The following ADCY10 variants were observed in gnomAD, a reference collection of about 807,000 sequenced individuals.
ADCY10 encodes the protein adenylate cyclase 10.
Under a neutral mutation model 183.3 loss-of-function variants are expected in ADCY10, and 156 were observed. The ratio of observed to expected loss-of-function variants is 0.85; its 90% CI spans 0.75 to 0.97. The LOEUF (loss-of-function observed/expected upper bound fraction) is 0.97, where lower values mean the gene tolerates loss of function less well. Ranked by LOEUF, ADCY10 falls within the 50% of genes least tolerant of loss-of-function variation. ADCY10 has a pLI of 0.00. For synonymous variants in ADCY10, 645 were observed against 670.0 expected, an observed-to-expected ratio of 0.96 and a Z score of 0.58; for missense variants, 1,745 against 1,934.3, an observed-to-expected ratio of 0.90 and a Z score of 1.84.
Position 167,844,823 on chromosome 1 carries a change from C to T in ADCY10, c.3007+740G>A, listed in dbSNP as rs546162781. Among the ~76,000 whole-genome samples the T allele has an allele frequency of 4.6e-5, 7 of 152,196 alleles. No homozygotes were observed. In the South Asian group the frequency reaches 1.5e-3, roughly 32 times the overall value. ...CCTCTACTTGTAGCCTCTGATTTCC[C>T]AACCAGATTTAGCCATAATCACCAA... On this transcript the variant is annotated intron_variant, in intron 21 of 32. Transcript: ENST00000367851.
intron 19 of ADCY10, 51 bp downstream of exon 19, chr1:167,848,310 A>C (rs1482414387): frequency 6.6e-7 from 1 of 1,526,218 alleles, no homozygotes; most frequent in Non-Finnish European, 9.0e-7. Context: ...CGGCCTCCCA[A>C]AGTGCTGGGA....
chr1:167,824,419 A>C (rs937691269), intron 28 of ADCY10, 57 bp downstream of exon 28: 1 of 1,441,170 alleles, frequency 6.9e-7, no homozygotes, highest in Non-Finnish European at 9.8e-7. Context: ...TGAACCCAGA[A>C]TACTCAATAA....
chr1:167,846,355 C>G lies in ADCY10; in HGVS notation c.2438-92G>C, dbSNP rs1665029250. Reference sequence around the variant, plus strand: ...ATAGAGCAGGTGGACAACCATCCTGCTCTACAGTTCTTGTTGCAAGAAACT... The same window carrying G: ...ATAGAGCAGGTGGACAACCATCCTGGTCTACAGTTCTTGTTGCAAGAAACT... On this transcript the variant is annotated intron_variant, in intron 19 of 32. Coordinates refer to ENST00000367851, the MANE Select transcript of ADCY10 (RefSeq NM_018417.6). The G allele has an allele frequency of 3.4e-6, 5 of 1,485,738 alleles. No individual in the cohort carries two copies. In the Admixed American group the frequency reaches 8.5e-5, roughly 25 times the overall value. 92.0% of individuals were successfully genotyped at this position (1,485,738 alleles called of 1,614,324 possible). A position where few individuals can be genotyped will look rare whatever the true frequency, so the allele number is the denominator to read the frequency against.
chr1:167,869,633 A>G (rs1043292770), intron 14 of ADCY10, among the ~76,000 whole-genome samples: 5 of 152,136 alleles, frequency 3.3e-5, no homozygotes, highest in African/African-American at 1.2e-4. Context: ...CATTGTATGG[A>G]AGGACATTGT....
chr1:167,906,577 C>T (rs548273525), intron 1 of ADCY10, among the ~76,000 whole-genome samples: 72 of 149,672 alleles, frequency 4.8e-4, no homozygotes, highest in Middle Eastern at 3.4e-3. Flanking sequence ...TGCTTGAGCC[C>T]GAGTTCGAGA....
At chr1:167,902,389 T>C (rs958507697) in intron 3 of ADCY10, among the ~76,000 whole-genome samples, 1 of 152,210 alleles carries the variant, frequency 6.6e-6, no homozygotes, top group Non-Finnish European at 1.5e-5. Flanking sequence ...TTGATCAATA[T>C]ATGTTATAGG....
chr1:167,834,661 T>C (rs1431469204), intron 23 of ADCY10: 1 of 168,972 alleles, frequency 5.9e-6, no homozygotes, highest in Non-Finnish European at 1.3e-5. Flanking sequence ...AAGAATATAA[T>C]AAGGTGAGGC....
intron 8 of ADCY10, among the ~76,000 whole-genome samples, chr1:167,891,483 T>A (rs1251774644): frequency 6.6e-6 from 1 of 151,324 alleles, no homozygotes; most frequent in East Asian, 2.0e-4. Context: ...GGTGAAACCC[T>A]GTCTCTACTA....
Position 167,809,602 on chromosome 1 carries a change from G to T in ADCY10, c.*76C>A. ...GAGATTATGTAGGAACCTGGAGTGG[G>T]CCAGCCACGGAGAAAGGTCAATAAT... is the stretch of plus-strand genomic sequence containing the variant. On this transcript the variant is annotated 3_prime_UTR_variant, in exon 33 of 33. Coordinates refer to ENST00000367851, the MANE Select transcript of ADCY10 (RefSeq NM_018417.6). 1 of 1,513,728 alleles carries T rather than the reference G, an allele frequency of 6.6e-7. No individual in the cohort carries two copies. Among genetic ancestry groups the T allele is most frequent in the Non-Finnish European group, 9.2e-7 (1 of 1,090,446 alleles). 93.8% of individuals were successfully genotyped at this position (1,513,728 alleles called of 1,614,324 possible).
At chr1:167,902,535 A>T (rs994987348) in intron 3 of ADCY10, among the ~76,000 whole-genome samples, 1 of 152,166 alleles carries the variant, frequency 6.6e-6, no homozygotes, top group Admixed American at 6.5e-5. Flanking sequence ...GTTTATTTAG[A>T]CGGTATGGCA....
chr1:167,911,122 G>A (rs1264827308), intron 1 of ADCY10, among the ~76,000 whole-genome samples: 1 of 152,090 alleles, frequency 6.6e-6, no homozygotes, highest in African/African-American at 2.4e-5. Context: ...AATCACCGAA[G>A]GACAAATATA....
chr1:167,824,733 G>A lies in ADCY10; in HGVS notation c.3873C>T (p.Gly1291=), dbSNP rs543436991. The part of the protein sequence containing the change: ...HIFNLPLKGE[G]IEIVAYVAET... ...CAGCCACGTATGCCACGATTTCAAT[G>A]CCCTCGCCTTTCAGGGGGAGGTTGA... The change falls in exon 27 of 33, where the codon GGC becomes GGT. Residue 1291 remains glycine (G), a synonymous_variant. Coordinates refer to ENST00000367851, the MANE Select transcript of ADCY10 (RefSeq NM_018417.6). 1.2e-6 allele frequency: 2 copies of A among 1,614,222 alleles called. No homozygotes were observed. Among genetic ancestry groups the A allele is most frequent in the African/African-American group, 1.3e-5 (1 of 75,056 alleles).
At chr1:167,899,288 G>A in intron 6 of ADCY10, 135 bp downstream of exon 6, 1 of 865,332 alleles carries the variant, frequency 1.2e-6, no homozygotes, top group South Asian at 1.4e-5. Flanking sequence ...AGCCTCTGTA[G>A]CCTAACCCAG....
Position 167,878,601 on chromosome 1 carries a change from C to T in ADCY10, c.1251G>A (p.Met417Ile). Residue 417 changes from methionine (M) to isoleucine (I), a missense_variant, in exon 12 of 33, where the codon ATG becomes ATA. Met to Ile is a conservative substitution (Grantham distance 10). Coordinates refer to ENST00000367851, the MANE Select transcript of ADCY10 (RefSeq NM_018417.6). ...IGQKVNLAAR[M>I]MMYYPGIVTC... The stretch of plus-strand genomic sequence containing the variant: ...TCACAATTCCTGGGTAGTACATCAT[C>T]ATCCTGGCAGCTAAGTTGACTTTTT... The T allele has an allele frequency of 6.2e-7, 1 of 1,614,142 alleles. No homozygotes were observed. The highest frequency in any genetic ancestry group is 8.5e-7 in the Non-Finnish European group (1 of 1,180,026).
In ADCY10 at chr1:167,810,115, CAAG is replaced by C. The variant is rs376109965; in HGVS notation, c.4672-279_4672-277del. Among the ~76,000 whole-genome samples the C allele has an allele frequency of 3.3e-4, 50 of 152,206 alleles. 1 individual carries two copies. The East Asian group carries it at 9.1e-3, about 28-fold the overall frequency. ...TTTGCTTTCAAAGAGTTCACATTCT[CAAG>C]GAGAGGAAAGACACGCAGACAGATG... On this transcript the variant is annotated intron_variant, in intron 32 of 32. Coordinates refer to ENST00000367851, the MANE Select transcript of ADCY10 (RefSeq NM_018417.6).
Position 167,845,642 on chromosome 1 carries a change from A to G in ADCY10, c.2928T>C (p.His976=). 6 of 1,614,248 alleles carry G rather than the reference A, an allele frequency of 3.7e-6. No individual in the cohort carries two copies. The highest frequency in any genetic ancestry group is 4.2e-6 in the Non-Finnish European group (5 of 1,180,034). ...HCRGRDFIPY[H]HFTVNIRLNA... is the part of the protein sequence containing the mutation. The stretch of plus-strand genomic sequence containing the variant: ...TGAGCCGAATATTCACTGTGAAGTG[A>G]TGATAGGGAATGAAGTCCCTGCCTC... The change falls in exon 21 of 33, where the codon CAT becomes CAC. Residue 976 remains histidine, a synonymous_variant. Coordinates refer to ENST00000367851, the MANE Select transcript of ADCY10 (RefSeq NM_018417.6).
intron 30 of ADCY10, chr1:167,820,067 T>C: frequency 1.3e-6 from 2 of 1,572,684 alleles, no homozygotes; most frequent in Non-Finnish European, 1.7e-6. Context: ...TCGTTACTCA[T>C]CCTTGAGATA....
At chr1:167,839,253 GGATATAGTCATGT>G (rs1664447429) in intron 21 of ADCY10, among the ~76,000 whole-genome samples, 1 of 152,214 alleles carries the variant, frequency 6.6e-6, no homozygotes, top group African/African-American at 2.4e-5. Context: ...CCTTGCAACT[GGATATAGTCATGT>G]GAGTAGGTTC....
chr1:167,894,974 A>G (rs1668860599), intron 7 of ADCY10, among the ~76,000 whole-genome samples: 1 of 152,016 alleles, frequency 6.6e-6, no homozygotes, highest in South Asian at 2.1e-4. Context: ...CATGAGGTCA[A>G]GAGATGGAGA....
Sources: allele counts gnomAD v4.1 joint callset (sites outside exome capture counted in the v4.1 genomes callset), GRCh38; gene constraint gnomAD v4.1.1; transcripts MANE v1.5; gene names NCBI Gene and HGNC (gene_info 2026-07-23, HGNC 2026-07-21).